The following NRAP variants were observed in gnomAD, a reference collection of about 807,000 sequenced individuals.
The protein encoded by NRAP is nebulin related anchoring protein.
NRAP carries 189 observed loss-of-function variants against 225.9 expected under a neutral mutation model. That is an observed-to-expected ratio of 0.84 (90% CI 0.74 to 0.94). The LOEUF is 0.94. NRAP is among the 40% of genes least tolerant of loss of function. The pLI is 0.00. For synonymous variants in NRAP, 769 were observed against 790.7 expected (o/e 0.97, Z 0.46); for missense variants, 2,176 against 2,168.7 (o/e 1.00, Z -0.07).
At chr10:113,614,802 G>A (rs777627237) in intron 28 of NRAP, 37 bp downstream of exon 28, 1 of 1,270,100 alleles carries the variant, frequency 7.9e-7, no homozygotes, top group Non-Finnish European at 1.2e-6. Context: ...ACGGGTTAGT[G>A]TTGAACATTG....
At chr10:113,646,434 T>G (rs889693346) in intron 10 of NRAP, among the ~76,000 whole-genome samples, 1 of 152,218 alleles carries the variant, frequency 6.6e-6, no homozygotes, top group African/African-American at 2.4e-5. Flanking sequence ...TGCTAGGTTC[T>G]GTTGAGACCA....
chr10:113,608,657 C>A, intron 31 of NRAP, 145 bp from the exon 32 acceptor site: 1 of 620,854 alleles, frequency 1.6e-6, no homozygotes, highest in Non-Finnish European at 2.9e-6. Flanking sequence ...TGTCACCTGC[C>A]TTTGTGACCC....
intron 12 of NRAP, among the ~76,000 whole-genome samples, chr10:113,642,211 TC>T (rs1849243132): frequency 1.3e-5 from 2 of 152,024 alleles, no homozygotes; most frequent in Non-Finnish European, 2.9e-5. Flanking sequence ...ACTATTATCA[TC>T]CCCATTTTAG....
At chr10:113,589,826 T>C (rs1168855097) in intron 40 of NRAP, 29 bp from the exon 41 acceptor site, 1 of 1,610,786 alleles carries the variant, frequency 6.2e-7, no homozygotes, top group African/African-American at 1.3e-5. Context: ...GCAAGAGGAA[T>C]ATGTCAGCAG....
At chr10:113,629,237 G>A (rs530692547) in intron 19 of NRAP, among the ~76,000 whole-genome samples, 47 of 152,258 alleles carry the variant, frequency 3.1e-4, no homozygotes, top group Middle Eastern at 6.8e-3. Context: ...CTGAGACACC[G>A]CAACCTTAGC....
rs1340438401 is a variant in NRAP, at chr10:113,662,772, A to G, written c.168-6T>C. On this transcript the variant is annotated splice_polypyrimidine_tract_variant and splice_region_variant and intron_variant, in intron 2 of 41. Transcript: ENST00000359988. ...TGTTGTTCTTAGGGTTATGGCTACA[A>G]CAAATAGGTATAAATCAAAATTAGA... is the stretch of plus-strand genomic sequence containing the variant. 9 of 1,455,548 alleles carry G rather than the reference A, an allele frequency of 6.2e-6. No homozygotes were observed. In the South Asian group the frequency reaches 1.0e-4, roughly 17 times the overall value. The allele number at this position is 1,455,548 out of a possible 1,614,324, so 90.2% of individuals were successfully genotyped here.
chr10:113,640,469 T>C, intron 13 of NRAP, 138 bp from the exon 14 acceptor site: 1 of 533,328 alleles, frequency 1.9e-6, no homozygotes, highest in Non-Finnish European at 3.3e-6. Context: ...AATTAAATTA[T>C]GTTCACACTT....
chr10:113,590,946 C>T, intron 39 of NRAP, 57 bp from the exon 40 acceptor site: 1 of 1,503,434 alleles, frequency 6.7e-7, no homozygotes, highest in East Asian at 2.3e-5. Context: ...CAGGACCAGC[C>T]TCACATATGG....
chr10:113,663,364 G>A lies in NRAP; in HGVS notation c.155C>T (p.Pro52Leu), dbSNP rs146928965. 58 of 1,608,376 alleles carry A rather than the reference G, an allele frequency of 3.6e-5. No individual in the cohort carries two copies. The highest frequency in any genetic ancestry group is 2.8e-4 in the African/African-American group (21 of 74,912). Residue 52 changes from proline (P) to leucine (L), a missense_variant, in exon 2 of 42, where the codon CCG becomes CTG. Pro to Leu is a moderately conservative substitution (Grantham distance 98, BLOSUM62 -3). This residue lies in a region of NRAP where 1,708 missense variants were observed against 1,695.5 expected (regional missense o/e 1.01). Coordinates refer to ENST00000359988, the MANE Select transcript of NRAP (RefSeq NM_198060.4). The stretch of plus-strand genomic sequence containing the variant: ...ATCAAACACTTACGCGTGACAGTAC[G>A]GCTTTTTCTGGTGACTCACAAAGTT... Reference protein sequence around the residue: ...VNNFVSHQKKPYCHAHNPKNN... With the variant: ...VNNFVSHQKKLYCHAHNPKNN...
chr10:113,602,819 C>A (rs567394185), intron 35 of NRAP, among the ~76,000 whole-genome samples: 1 of 152,272 alleles, frequency 6.6e-6, no homozygotes, highest in Admixed American at 6.5e-5. Flanking sequence ...TTCATATAGA[C>A]CAGTTCTCCA....
rs758055265 is a variant in NRAP at position 113,650,153 on chromosome 10, C to A, written c.784-12G>T. The A allele has an allele frequency of 5.2e-6, 8 of 1,546,776 alleles. No homozygotes were observed. In the Admixed American group the frequency reaches 1.3e-4, roughly 26 times the overall value. ...TGATGGTACCTCACCTGTTTTAAGGCAAAGGACAAACTCGGTGAATTTGAC... is the reference window on the plus strand; with the variant it reads ...TGATGGTACCTCACCTGTTTTAAGGAAAAGGACAAACTCGGTGAATTTGAC... On this transcript the variant is annotated splice_polypyrimidine_tract_variant and intron_variant, in intron 8 of 41. Coordinates refer to ENST00000359988, the MANE Select transcript of NRAP (RefSeq NM_198060.4).
rs999193790 is a variant in NRAP, at chr10:113,650,200, G to C, written c.784-59C>G. ...TGACTCCCATGCACAGGAGCCAAAA[G>C]AGTAAAAGTGAATGTCTTAATGGAA... On this transcript the variant is annotated intron_variant, in intron 8 of 41. Coordinates refer to ENST00000359988, the MANE Select transcript of NRAP (RefSeq NM_198060.4). The C allele has an allele frequency of 1.2e-5, 13 of 1,056,918 alleles. 1 individual carries two copies. Among genetic ancestry groups the C allele is most frequent in the Non-Finnish European group, 1.9e-5 (13 of 678,162 alleles). 65.5% of individuals were successfully genotyped at this position (1,056,918 alleles called of 1,614,324 possible).
intron 13 of NRAP, 25 bp from the exon 14 acceptor site, chr10:113,640,356 A>C (rs753706710): frequency 7.7e-7 from 1 of 1,306,086 alleles, no homozygotes; most frequent in Non-Finnish European, 1.1e-6. Flanking sequence ...AAAGAAGAAG[A>C]ATGGAGAAAT....
At chr10:113,642,279 T>A (rs1849246367) in intron 12 of NRAP, among the ~76,000 whole-genome samples, 1 of 152,198 alleles carries the variant, frequency 6.6e-6, no homozygotes, top group Non-Finnish European at 1.5e-5. Context: ...GCCACTTTGC[T>A]ATTAATAACT....
In NRAP at chr10:113,589,090, C is replaced by A; in HGVS notation, c.5089-11G>T. ...TGCTTCTGCCCCCCGCTGCTGAAAT[C>A]AAACATACCCCAAGTTAAAATGAAG... On this transcript the variant is annotated splice_polypyrimidine_tract_variant and intron_variant, in intron 41 of 41. Transcript: ENST00000359988. 1.2e-6 allele frequency: 2 copies of A among 1,610,816 alleles called. No individual in the cohort carries two copies. The highest frequency in any genetic ancestry group is 1.7e-6 in the Non-Finnish European group (2 of 1,177,442).
intron 32 of NRAP, 139 bp downstream of exon 32, chr10:113,608,275 T>A (rs1195092881): frequency 2.7e-5 from 16 of 596,864 alleles, no homozygotes; most frequent in Non-Finnish European, 2.1e-5. Flanking sequence ...ATGTTTAGGT[T>A]CCATATAATG....
rs1848720284 is a variant in NRAP at position 113,634,026 on chromosome 10, C to G, written c.1527+86G>C. On this transcript the variant is annotated intron_variant, in intron 15 of 41. Transcript: ENST00000359988. Reference sequence around the variant, plus strand: ...GACATGTGTCACAATTTATGAAAGTCAAATCCTTGGAGGTCAGATGTCCAG... The same window carrying G: ...GACATGTGTCACAATTTATGAAAGTGAAATCCTTGGAGGTCAGATGTCCAG... 4.8e-6 allele frequency: 4 copies of G among 840,694 alleles called. No homozygotes were observed. The East Asian group carries it at 9.9e-5, about 21-fold the overall frequency. 52.1% of individuals were successfully genotyped at this position (840,694 alleles called of 1,614,324 possible). A position where few individuals can be genotyped will look rare whatever the true frequency, so the allele number is the denominator to read the frequency against.
intron 32 of NRAP, among the ~76,000 whole-genome samples, chr10:113,607,399 C>CAAAAAAAAAAAAAAAAAAAAAAAAAAA (rs543627940): frequency 2.2e-4 from 15 of 68,606 alleles, no homozygotes; most frequent in Non-Finnish European, 3.4e-4. Context: ...GAAACTCCGT[C>CAAAAAAAAAAAAAAAAAAAAAAAAAAA]AAAAAAAAAA....
chr10:113,625,516 C>A (rs1848233295), intron 21 of NRAP, among the ~76,000 whole-genome samples: 1 of 152,178 alleles, frequency 6.6e-6, no homozygotes, highest in South Asian at 2.1e-4. Context: ...TCCTTTCTGG[C>A]AGGTATATCT....
Sources: gnomAD v4.1 joint callset for allele counts (sites outside exome capture counted in the v4.1 genomes callset) on GRCh38, gnomAD v4.1.1 for gene constraint, gnomAD v4.1.1 regional missense constraint, MANE v1.5 for transcripts, NCBI Gene and HGNC (gene_info 2026-07-23, HGNC 2026-07-21) for gene names.